Variants in ASAP1 observed in about 807,000 individuals in gnomAD.
ASAP1 encodes ArfGAP with SH3 domain, ankyrin repeat and PH domain 1.
A neutral mutation model predicts 145.2 loss-of-function variants in ASAP1; 43 were observed. The observed-to-expected ratio is 0.30, with a 90% CI of 0.23 to 0.38. The LOEUF is 0.38. Among genes scored for constraint, ASAP1 ranks in the 10% least tolerant of loss-of-function variants. ASAP1 has a pLI of 1.00. For synonymous variants in ASAP1, 546 were observed against 515.5 expected, an observed-to-expected ratio of 1.06 and a Z score of -0.80; for missense variants, 1,018 against 1,355.3, an observed-to-expected ratio of 0.75 and a Z score of 3.91.
At chr8:130,346,547 C>T (rs997403155) in intron 3 of ASAP1, among the ~76,000 whole-genome samples, 1 of 152,142 alleles carries the variant, frequency 6.6e-6, no homozygotes, top group East Asian at 1.9e-4. Context: ...AGAAACAGCA[C>T]CCACCCCACA....
At chr8:130,315,473 G>A (rs547924193) in intron 3 of ASAP1, among the ~76,000 whole-genome samples, 10 of 152,290 alleles carry the variant, frequency 6.6e-5, no homozygotes, top group African/African-American at 2.4e-4. Context: ...ATAATGTTCA[G>A]AATTGCAACA....
At chr8:130,152,054 G>C (rs2097647624) in intron 13 of ASAP1, among the ~76,000 whole-genome samples, 1 of 152,182 alleles carries the variant, frequency 6.6e-6, no homozygotes, top group Non-Finnish European at 1.5e-5. Context: ...TCTAAAGTCA[G>C]CTGTAAGTCA....
intron 3 of ASAP1, among the ~76,000 whole-genome samples, chr8:130,247,634 G>A (rs1413435356): frequency 6.6e-6 from 1 of 152,150 alleles, no homozygotes; most frequent in Non-Finnish European, 1.5e-5. Context: ...CTAAAGAGTA[G>A]TTGAGATAAA....
chr8:130,097,113 G>A (rs946740807), intron 24 of ASAP1, among the ~76,000 whole-genome samples: 2 of 103,276 alleles, frequency 1.9e-5, no homozygotes, highest in Non-Finnish European at 3.5e-5. Flanking sequence ...GAGACAGAGT[G>A]ACAGTTAGTC....
At chr8:130,305,985 C>T (rs1565191408) in intron 3 of ASAP1, among the ~76,000 whole-genome samples, 1 of 152,210 alleles carries the variant, frequency 6.6e-6, no homozygotes, top group African/African-American at 2.4e-5. Context: ...ATGTCCCTTA[C>T]TTACAGTTCC....
At chr8:130,061,673 C>G (rs945363713) in intron 27 of ASAP1, among the ~76,000 whole-genome samples, 2 of 150,196 alleles carry the variant, frequency 1.3e-5, no homozygotes, top group African/African-American at 5.1e-5. Flanking sequence ...GGGTTAACCT[C>G]TGTTACATTT....
At chr8:130,209,100 T>C (rs917565737) in intron 5 of ASAP1, among the ~76,000 whole-genome samples, 30 of 152,234 alleles carry the variant, frequency 2.0e-4, no homozygotes, top group African/African-American at 7.2e-4. Context: ...GTAATACTAA[T>C]ATTAATGTAG....
At chr8:130,253,021 A>G (rs946251679) in intron 3 of ASAP1, among the ~76,000 whole-genome samples, 3 of 152,082 alleles carry the variant, frequency 2.0e-5, no homozygotes, top group African/African-American at 7.2e-5. Context: ...GTCCTAATAA[A>G]CCTATTTGTC....
chr8:130,338,433 C>T (rs1825172716), intron 3 of ASAP1, among the ~76,000 whole-genome samples: 1 of 152,126 alleles, frequency 6.6e-6, no homozygotes, highest in Non-Finnish European at 1.5e-5. Flanking sequence ...AAAGAACAGC[C>T]AGCAACAACA....
Position 130,430,063 on chromosome 8 carries a change from G to A in ASAP1, c.-28+13397C>T, listed in dbSNP as rs539626753. Among the ~76,000 whole-genome samples the A allele has an allele frequency of 3.2e-3, 483 of 152,252 alleles. 2 individuals are homozygous for A. The highest frequency in any genetic ancestry group is 5.8e-3 in the Non-Finnish European group (392 of 68,020). On this transcript the variant is annotated intron_variant, in intron 1 of 29. Transcript: ENST00000518721. Reference sequence around the variant, plus strand: ...AGCCTGAGACTAAGTCTTAGCTTCCGTTTCCTCCTCCAAATGAACTCCCCT... The same window carrying A: ...AGCCTGAGACTAAGTCTTAGCTTCCATTTCCTCCTCCAAATGAACTCCCCT...
At chr8:130,288,548 G>C (rs1344667125) in intron 3 of ASAP1, among the ~76,000 whole-genome samples, 1 of 152,182 alleles carries the variant, frequency 6.6e-6, no homozygotes, top group Non-Finnish European at 1.5e-5. Context: ...CAGAAGTCTG[G>C]ACTGCATATC....
Position 130,063,972 on chromosome 8 carries a change from G to T in ASAP1, c.2702-2903C>A, listed in dbSNP as rs146551390. ...GGAGAAAAGAGTGCTGGCTGGGTGG[G>T]GAGGAGGAGAGTGACCACCAAGGAG... is the stretch of plus-strand genomic sequence containing the variant. On this transcript the variant is annotated intron_variant, in intron 27 of 29. Coordinates refer to ENST00000518721, the MANE Select transcript of ASAP1 (RefSeq NM_018482.4). Among the ~76,000 whole-genome samples the T allele has an allele frequency of 1.2e-3, 182 of 152,232 alleles. 1 individual carries two copies. The highest frequency in any genetic ancestry group is 4.1e-3 in the African/African-American group (170 of 41,546).
At chr8:130,417,901 G>C (rs558774603) in intron 1 of ASAP1, among the ~76,000 whole-genome samples, 20 of 152,344 alleles carry the variant, frequency 1.3e-4, no homozygotes, top group African/African-American at 4.3e-4. Context: ...AAAAGTCTCA[G>C]GATTGACTCT....
At position 130,403,554 on chromosome 8, in the gene ASAP1, C is replaced by CTTTTTTTT. The variant is rs372481861; in HGVS notation, c.-27-1592_-27-1585dup. Among the ~76,000 whole-genome samples, 340 of 125,312 alleles carry CTTTTTTTT rather than the reference C, an allele frequency of 2.7e-3. 1 individual carries two copies. The highest frequency in any genetic ancestry group is 4.4e-3 in the African/African-American group (142 of 32,252). 82.2% of individuals were successfully genotyped at this position (125,312 alleles called of 152,430 possible). A position where few individuals can be genotyped will look rare whatever the true frequency, so the allele number is the denominator to read the frequency against. On this transcript the variant is annotated intron_variant, in intron 1 of 29. Coordinates refer to ENST00000518721, the MANE Select transcript of ASAP1 (RefSeq NM_018482.4). The stretch of plus-strand genomic sequence containing the variant: ...CATAAGACATTTTCTTTTTCTTTTT[C>CTTTTTTTT]TTTTTTTTTTTTTTTTTGTGAGACA...
intron 3 of ASAP1, among the ~76,000 whole-genome samples, chr8:130,355,438 T>A (rs189266770): frequency 1.3e-5 from 2 of 152,344 alleles, no homozygotes; most frequent in East Asian, 1.9e-4. Flanking sequence ...ATGTTTTTTT[T>A]AAATGAGAAT....
chr8:130,153,374 T>C (rs2097651608), intron 12 of ASAP1, among the ~76,000 whole-genome samples: 1 of 116,674 alleles, frequency 8.6e-6, no homozygotes, highest in Non-Finnish European at 1.8e-5. Context: ...TATATATATA[T>C]ATATATATAT....
intron 2 of ASAP1, among the ~76,000 whole-genome samples, chr8:130,362,300 CCA>C (rs1826754964): frequency 6.6e-6 from 1 of 152,156 alleles, no homozygotes; most frequent in Non-Finnish European, 1.5e-5. Flanking sequence ...GAGCTTTGAT[CCA>C]CAGTGTTAGC....
At chr8:130,092,292 T>C (rs2097507143) in intron 24 of ASAP1, 149 bp from the exon 25 acceptor site, 2 of 837,038 alleles carry the variant, frequency 2.4e-6, no homozygotes, top group Non-Finnish European at 3.5e-6. Context: ...TCCATCAACC[T>C]AATAACTCAC....
chr8:130,372,989 GACATAC>G (rs1827285947), intron 2 of ASAP1, among the ~76,000 whole-genome samples: 1 of 148,150 alleles, frequency 6.7e-6, no homozygotes, highest in Admixed American at 6.7e-5. Context: ...CATACGCACA[GACATAC>G]ACAGACACAG....
Sources: gnomAD v4.1 joint callset for allele counts (sites outside exome capture counted in the v4.1 genomes callset) on GRCh38, gnomAD v4.1.1 for gene constraint, MANE v1.5 for transcripts, NCBI Gene and HGNC (gene_info 2026-07-23, HGNC 2026-07-21) for gene names.